The following ENPEP variants were observed in gnomAD, a reference collection of about 807,000 sequenced individuals.
ENPEP encodes glutamyl aminopeptidase.
Under a neutral mutation model 114.5 loss-of-function variants are expected in ENPEP, and 103 were observed. That is an observed-to-expected ratio of 0.90 (90% CI 0.77 to 1.06). The LOEUF (loss-of-function observed/expected upper bound fraction) is 1.06, where lower values mean the gene tolerates loss of function less well. Ranked by LOEUF, ENPEP falls within the 50% of genes least tolerant of loss-of-function variation. The pLI, the probability that ENPEP is intolerant of heterozygous loss-of-function variation, is 0.00. For synonymous variants in ENPEP, 420 were observed against 422.0 expected, an observed-to-expected ratio of 1.00 and a Z score of 0.06; for missense variants, 1,196 against 1,161.3, an observed-to-expected ratio of 1.03 and a Z score of -0.43.
rs1245939357 is a variant in ENPEP, at chr4:110,476,605, C to T, written c.191C>T (p.Thr64Met). 3 of 1,614,130 alleles carry T rather than the reference C, an allele frequency of 1.9e-6. No individual in the cohort carries two copies. The highest frequency in any genetic ancestry group is 2.5e-6 in the Non-Finnish European group (3 of 1,180,014). Residue 64 changes from threonine (T) to methionine (M), a missense_variant, in exon 1 of 20, where the codon ACG (threonine) becomes ATG (methionine). Coordinates refer to ENST00000265162, the MANE Select transcript of ENPEP (RefSeq NM_001977.4). ...APAPSHLPSS[T>M]ASPSGPPAQD... ...GCTCCTTCCCACCTGCCTTCTTCCA[C>T]GGCCAGCCCCTCAGGTCCTCCTGCC...
intron 3 of ENPEP, among the ~76,000 whole-genome samples, chr4:110,498,056 A>C (rs1029015375): frequency 1.1e-4 from 16 of 152,250 alleles, no homozygotes; most frequent in African/African-American, 3.1e-4. Flanking sequence ...CTCAGTATTG[A>C]TAATGAAACA....
chr4:110,498,827 C>T (rs1380972478), intron 3 of ENPEP, among the ~76,000 whole-genome samples: 1 of 152,108 alleles, frequency 6.6e-6, no homozygotes, highest in African/African-American at 2.4e-5. Context: ...CAGGTCTTGT[C>T]CCTTCAACCT....
intron 11 of ENPEP, among the ~76,000 whole-genome samples, chr4:110,535,036 A>G (rs1438058558): frequency 6.6e-6 from 1 of 152,156 alleles, no homozygotes; most frequent in Non-Finnish European, 1.5e-5. Flanking sequence ...TATTTTGGCT[A>G]TTGTTAATGC....
chr4:110,481,109 C>A lies in ENPEP; in HGVS notation c.644+4051C>A, dbSNP rs183394147. The stretch of plus-strand genomic sequence containing the variant: ...TTAGCACTTCCCAAAGTATGTACTG[C>A]AGAATTCTAGTTGCATGGGGATCTT... On this transcript the variant is annotated intron_variant, in intron 1 of 19. Transcript: ENST00000265162. 1.8e-3 allele frequency among the ~76,000 whole-genome samples: 280 copies of A among 152,266 alleles called. 1 individual carries two copies. Among genetic ancestry groups the A allele is most frequent in the African/African-American group, 6.3e-3 (260 of 41,546 alleles).
chr4:110,517,095 A>G (rs1343445815), intron 8 of ENPEP, among the ~76,000 whole-genome samples: 1 of 151,996 alleles, frequency 6.6e-6, no homozygotes, highest in Non-Finnish European at 1.5e-5. Context: ...AGGCACCACC[A>G]CACCCGGCTA....
intron 5 of ENPEP, 85 bp from the exon 6 acceptor site, chr4:110,510,160 G>T: frequency 8.9e-7 from 1 of 1,129,652 alleles, no homozygotes. Context: ...ACATTGGCAC[G>T]GACAAATAAA....
At position 110,538,405 on chromosome 4, in the gene ENPEP, T is replaced by C. The variant is rs545392122; in HGVS notation, c.1808-4346T>C. 2.0e-5 allele frequency among the ~76,000 whole-genome samples: 3 copies of C among 152,366 alleles called. No homozygotes were observed. The South Asian group carries it at 6.2e-4, about 32-fold the overall frequency. On this transcript the variant is annotated intron_variant, in intron 11 of 19. Transcript: ENST00000265162. ...CCTCAAGAACCAACCTTTGCTAGCTTCCAGCTTTTCTTCTGTAGCTTCCTC... is the reference window on the plus strand; with the variant it reads ...CCTCAAGAACCAACCTTTGCTAGCTCCCAGCTTTTCTTCTGTAGCTTCCTC...
chr4:110,495,049 TA>T (rs557219690), intron 3 of ENPEP, among the ~76,000 whole-genome samples: 187 of 152,106 alleles, frequency 1.2e-3, no homozygotes, highest in African/African-American at 4.3e-3. Context: ...AGTTATTGTT[TA>T]AAAAAAATGT....
rs1040209078 is a variant in ENPEP at position 110,564,095 on chromosome 4, CT to C, written c.*2540del. Reference sequence around the variant, plus strand: ...CGGTTAGGTAATCATCATCATCAGACTTTCCTTTTTTTTTCAAGCATTTTTA... The same window carrying C: ...CGGTTAGGTAATCATCATCATCAGACTTCCTTTTTTTTTCAAGCATTTTTA... On this transcript the variant is annotated 3_prime_UTR_variant, in exon 20 of 20. Transcript: ENST00000265162. The C allele has an allele frequency of 6.6e-6, 1 of 151,802 alleles. No homozygotes were observed. Among genetic ancestry groups the C allele is most frequent in the African/African-American group, 2.4e-5 (1 of 41,338 alleles). The allele number at this position is 151,802 out of a possible 1,614,324, so 9.4% of individuals were successfully genotyped here. A position where few individuals can be genotyped will look rare whatever the true frequency, so the allele number is the denominator to read the frequency against.
At chr4:110,553,192 A>C (rs568545257) in intron 17 of ENPEP, 123 bp from the exon 18 acceptor site, 1 of 826,808 alleles carries the variant, frequency 1.2e-6, no homozygotes, top group African/African-American at 1.7e-5. Context: ...TATTTAATTA[A>C]CTTTGTCAGT....
At chr4:110,531,152 T>A (rs1428045069) in intron 10 of ENPEP, 46 bp from the exon 11 acceptor site, 2 of 1,177,470 alleles carry the variant, frequency 1.7e-6, no homozygotes, top group South Asian at 3.3e-5. Context: ...TGAAATTTTA[T>A]CTTTTAGTAA....
intron 13 of ENPEP, among the ~76,000 whole-genome samples, chr4:110,547,777 A>G (rs540439020): frequency 2.6e-4 from 40 of 152,192 alleles, no homozygotes; most frequent in African/African-American, 8.9e-4. Context: ...GCAAATGTAA[A>G]TAATTTCAAC....
At chr4:110,535,351 T>A (rs1254398665) in intron 11 of ENPEP, among the ~76,000 whole-genome samples, 1 of 152,182 alleles carries the variant, frequency 6.6e-6, no homozygotes, top group Non-Finnish European at 1.5e-5. Flanking sequence ...TCTGTGATAA[T>A]TATACATAAA....
intron 6 of ENPEP, among the ~76,000 whole-genome samples, chr4:110,511,536 G>A (rs372186881): frequency 5.9e-5 from 9 of 152,082 alleles, no homozygotes; most frequent in African/African-American, 2.2e-4. Flanking sequence ...CTGTATAAAT[G>A]GAAAATTGTG....
chr4:110,520,735 C>A (rs1006693574), intron 10 of ENPEP, among the ~76,000 whole-genome samples: 2 of 152,136 alleles, frequency 1.3e-5, no homozygotes, highest in African/African-American at 4.8e-5. Context: ...AATAAGGGAA[C>A]TTCCCTATCC....
chr4:110,483,588 C>T (rs1364461951), intron 1 of ENPEP, among the ~76,000 whole-genome samples: 1 of 152,160 alleles, frequency 6.6e-6, no homozygotes, highest in Non-Finnish European at 1.5e-5. Context: ...GAGAAATGCT[C>T]TTCCCTTTTG....
intron 10 of ENPEP, among the ~76,000 whole-genome samples, chr4:110,522,811 G>A (rs763964134): frequency 3.9e-5 from 6 of 152,080 alleles, no homozygotes; most frequent in South Asian, 2.1e-4. Context: ...CATTAAAGAC[G>A]CTTTCAGAAA....
intron 6 of ENPEP, 163 bp from the exon 7 acceptor site, chr4:110,513,252 T>C: frequency 1.6e-6 from 1 of 641,076 alleles, no homozygotes; most frequent in South Asian, 3.4e-5. Context: ...GAAATCAATA[T>C]AGCTCAATCA....
intron 13 of ENPEP, among the ~76,000 whole-genome samples, chr4:110,544,913 T>A (rs1726996498): frequency 1.3e-5 from 2 of 152,096 alleles, no homozygotes; most frequent in East Asian, 3.9e-4. Context: ...ATGAAACAAA[T>A]TTGAAATTCA....
Sources: gnomAD v4.1 joint callset for allele counts (sites outside exome capture counted in the v4.1 genomes callset) on GRCh38, gnomAD v4.1.1 for gene constraint, MANE v1.5 for transcripts, NCBI Gene and HGNC (gene_info 2026-07-23, HGNC 2026-07-21) for gene names.